The following SHC4 variants were observed in gnomAD, a reference collection of about 807,000 sequenced individuals.
SHC4 encodes the protein SHC adaptor protein 4, also known as SHC-transforming protein 4.
Under a neutral mutation model 69.4 loss-of-function variants are expected in SHC4, and 41 were observed. The ratio of observed to expected loss-of-function variants is 0.59; its 90% confidence interval spans 0.46 to 0.77. SHC4 has a LOEUF of 0.77. Among genes scored for constraint, SHC4 ranks in the 30% least tolerant of loss-of-function variants. SHC4 has a pLI of 0.00. For missense variants in SHC4, 777 were observed against 783.8 expected, an observed-to-expected ratio of 0.99 and a Z score of 0.10; for synonymous variants, 318 against 299.3, an observed-to-expected ratio of 1.06 and a Z score of -0.64.
intron 4 of SHC4, chr15:48,877,673 T>G (rs1312500713): frequency 1.1e-5 from 7 of 640,802 alleles, no homozygotes; most frequent in Non-Finnish European, 1.4e-5. Flanking sequence ...CTGTTGTTTG[T>G]GAATTTAACT....
chr15:48,860,341 T>C (rs11070657), intron 6 of SHC4, among the ~76,000 whole-genome samples: 95,977 of 151,224 alleles, frequency 0.63, 31,834 homozygotes, highest in Middle Eastern at 0.8. Flanking sequence ...CCCGTATCTA[T>C]TAAAAATACA....
At chr15:48,843,283 C>A in intron 10 of SHC4, 126 bp downstream of exon 10, 1 of 933,674 alleles carries the variant, frequency 1.1e-6, no homozygotes, top group Non-Finnish European at 1.6e-6. Context: ...CTAGAAGGAA[C>A]CAACCCTGCT....
At chr15:48,862,521 A>T (rs142453246) in intron 6 of SHC4, among the ~76,000 whole-genome samples, 2,175 of 152,322 alleles carry the variant, frequency 0.014, 19 homozygotes, top group Middle Eastern at 0.031. Flanking sequence ...ATTTAAATGC[A>T]CTAATGCTAA....
chr15:48,846,413 T>C (rs1016990127), intron 9 of SHC4, among the ~76,000 whole-genome samples: 8 of 152,202 alleles, frequency 5.3e-5, no homozygotes, highest in Admixed American at 2.6e-4. Flanking sequence ...AGTTATTATT[T>C]AGTCATTGAT....
chr15:48,843,485 C>T lies in SHC4; in HGVS notation c.1407G>A (p.Gln469=), dbSNP rs1899030653. Residue 469 remains glutamine (Q), a synonymous_variant, in exon 10 of 12, where the codon CAG becomes CAA. Coordinates refer to ENST00000332408, the MANE Select transcript of SHC4 (RefSeq NM_203349.4). ...CAGAGCCAGGTGTACTTTGAAGAGC[C>T]TGTGTATTAATGTAGCAGGGGTCAT... ...LFDDPCYINT[Q]ALQSTPGSAG... The T allele has an allele frequency of 6.2e-7, 1 of 1,614,122 alleles. No individual in the cohort carries two copies. Among genetic ancestry groups the T allele is most frequent in the Non-Finnish European group, 8.5e-7 (1 of 1,180,014 alleles).
chr15:48,925,271 A>G (rs1377754190), intron 1 of SHC4, among the ~76,000 whole-genome samples: 1 of 152,230 alleles, frequency 6.6e-6, no homozygotes, highest in African/African-American at 2.4e-5. Flanking sequence ...CTTCTTAGTT[A>G]TGGAACCTGA....
chr15:48,850,987 A>G (rs1899201906), intron 9 of SHC4, among the ~76,000 whole-genome samples: 1 of 152,220 alleles, frequency 6.6e-6, no homozygotes, highest in Non-Finnish European at 1.5e-5. Flanking sequence ...ATCACACAAG[A>G]GCAAGGGAGA....
At chr15:48,932,953 TA>T (rs536470144) in intron 1 of SHC4, among the ~76,000 whole-genome samples, 30 of 152,084 alleles carry the variant, frequency 2.0e-4, no homozygotes, top group South Asian at 1.2e-3. Context: ...GATATGCATA[TA>T]AAAAAAATCA....
At position 48,868,838 on chromosome 15, in the gene SHC4, C is replaced by T. The variant is rs374226174; in HGVS notation, c.895-969G>A. ...CACATACCTGAGTAAATTTCTCTTA[C>T]GCAAAAAGAAAAAAGGTTTTAAATA... On this transcript the variant is annotated intron_variant, in intron 5 of 11. Transcript: ENST00000332408. Among the ~76,000 whole-genome samples the T allele has an allele frequency of 7.2e-5, 11 of 152,026 alleles. 1 individual carries two copies. The highest frequency in any genetic ancestry group is 3.8e-4 in the East Asian group (2 of 5,204).
At chr15:48,956,855 C>T (rs1018035714) in intron 1 of SHC4, among the ~76,000 whole-genome samples, 6 of 151,976 alleles carry the variant, frequency 3.9e-5, no homozygotes, top group Admixed American at 3.9e-4. Context: ...CAAAAGAGAT[C>T]CTAATAATAA....
intron 1 of SHC4, among the ~76,000 whole-genome samples, chr15:48,941,251 T>C (rs1901170049): frequency 6.6e-6 from 1 of 152,176 alleles, no homozygotes; most frequent in African/African-American, 2.4e-5. Context: ...AGTTGTTGAC[T>C]GAATTCAGGG....
chr15:48,876,638 A>G (rs1387895745), intron 4 of SHC4: 5 of 692,908 alleles, frequency 7.2e-6, no homozygotes, highest in Non-Finnish European at 1.1e-5. Flanking sequence ...TGGGAATCCA[A>G]TGTTCGAGGG....
At chr15:48,908,210 T>A (rs1052830140) in intron 2 of SHC4, among the ~76,000 whole-genome samples, 6 of 152,130 alleles carry the variant, frequency 3.9e-5, no homozygotes, top group African/African-American at 1.4e-4. Context: ...CACGCCAACA[T>A]CTGTTTTTTG....
chr15:48,951,750 A>G (rs1901368527), intron 1 of SHC4, among the ~76,000 whole-genome samples: 1 of 152,208 alleles, frequency 6.6e-6, no homozygotes. Context: ...TCTTCCTCCA[A>G]GAAACTTTCT....
chr15:48,871,453 CT>C (rs1440554613), intron 5 of SHC4, among the ~76,000 whole-genome samples: 2 of 152,228 alleles, frequency 1.3e-5, no homozygotes, highest in African/African-American at 4.8e-5. Context: ...AGCCCCTCTC[CT>C]TTTGCTGTGG....
intron 3 of SHC4, among the ~76,000 whole-genome samples, chr15:48,888,080 A>G (rs1173916424): frequency 6.6e-6 from 1 of 152,240 alleles, no homozygotes; most frequent in Non-Finnish European, 1.5e-5. Context: ...ATTAAAAAAT[A>G]GAATAACCAC....
intron 9 of SHC4, among the ~76,000 whole-genome samples, chr15:48,843,881 G>A (rs927200591): frequency 4.7e-5 from 7 of 148,186 alleles, no homozygotes; most frequent in East Asian, 2.1e-4. Flanking sequence ...CTGACCAGCC[G>A]TGGAAGAAAG....
At chr15:48,878,829 A>C (rs1402385661) in intron 4 of SHC4, 4 of 1,331,522 alleles carry the variant, frequency 3.0e-6, no homozygotes, top group Non-Finnish European at 4.1e-6. Flanking sequence ...GTTTTGTGCC[A>C]TTGAAAAACT....
At chr15:48,832,473 T>A (rs190221652) in intron 11 of SHC4, among the ~76,000 whole-genome samples, 1 of 152,322 alleles carries the variant, frequency 6.6e-6, no homozygotes, top group East Asian at 1.9e-4. Flanking sequence ...AATTCTCTGT[T>A]TTTGACATTT....
Sources: gnomAD v4.1 joint callset for allele counts (sites outside exome capture counted in the v4.1 genomes callset) on GRCh38, gnomAD v4.1.1 for gene constraint, MANE v1.5 for transcripts, NCBI Gene and HGNC (gene_info 2026-07-23, HGNC 2026-07-21) for gene names.